The following RPS6KA2 variants were observed in gnomAD, a reference collection of about 807,000 sequenced individuals.
RPS6KA2 encodes the protein ribosomal protein S6 kinase alpha-2.
A neutral mutation model predicts 91.8 loss-of-function variants in RPS6KA2; 42 were observed. The observed-to-expected ratio is 0.46, with a 90% CI of 0.36 to 0.59. RPS6KA2 has a LOEUF of 0.59. RPS6KA2 is among the 20% of genes least tolerant of loss of function. The probability of loss-of-function intolerance (pLI) is 0.00; values close to 1 mark genes in which losing one functional copy is unlikely to be tolerated. For synonymous variants in RPS6KA2, 414 were observed against 393.6 expected, an observed-to-expected ratio of 1.05 and a Z score of -0.61; for missense variants, 798 against 978.5, an observed-to-expected ratio of 0.82 and a Z score of 2.46.
chr6:166,481,914 T>C, intron 10 of RPS6KA2, among the ~76,000 whole-genome samples: 1 of 151,498 alleles, frequency 6.6e-6, no homozygotes. Flanking sequence ...TATACCTCTC[T>C]GATCAATCTT....
chr6:166,611,795 C>T (rs1022575157), intron 1 of RPS6KA2, among the ~76,000 whole-genome samples: 9 of 152,180 alleles, frequency 5.9e-5, no homozygotes, highest in Admixed American at 3.9e-4. Context: ...CAGGACTCCA[C>T]GTTTCCATGT....
chr6:166,422,043 G>C (rs1583110506), intron 17 of RPS6KA2, among the ~76,000 whole-genome samples: 1 of 152,062 alleles, frequency 6.6e-6, no homozygotes, highest in African/African-American at 2.4e-5. Context: ...GGGACTGTGG[G>C]CACACACCAC....
In RPS6KA2 at chr6:166,767,316, G is replaced by T. The variant is rs890343957; in HGVS notation, c.123+90884C>A. Among the ~76,000 whole-genome samples, 3 of 152,178 alleles carry T rather than the reference G, an allele frequency of 2.0e-5. No individual in the cohort carries two copies. The South Asian group carries it at 6.2e-4, about 32-fold the overall frequency. ...GCAAGGCAGAGGCACGGAACGATTT[G>T]ATGAAAAAGACAGAGGAAAACAGAA... On this transcript the variant is annotated intron_variant, in intron 2 of 21. Transcript: ENST00000503859. This position sits in a 1 kb window ranked among gnomAD's most constrained non-coding sequence, Gnocchi z 4.6.
intron 2 of RPS6KA2, among the ~76,000 whole-genome samples, chr6:166,679,478 T>C (rs1009050278): frequency 5.9e-5 from 9 of 151,852 alleles, no homozygotes; most frequent in African/African-American, 1.7e-4. Context: ...ATAATAATAA[T>C]AATAAATAAA....
chr6:166,482,889 C>T (rs758381033), intron 10 of RPS6KA2, among the ~76,000 whole-genome samples: 16 of 152,182 alleles, frequency 1.1e-4, no homozygotes, highest in East Asian at 1.9e-4. Flanking sequence ...TGCTACAGGA[C>T]GCCCTCACCA....
intron 2 of RPS6KA2, among the ~76,000 whole-genome samples, chr6:166,744,774 C>T (rs569358540): frequency 1.3e-3 from 191 of 152,244 alleles, no homozygotes; most frequent in African/African-American, 4.0e-3. Context: ...TCCCTGGCGG[C>T]GGTGGGGTCG....
At chr6:166,694,813 G>C (rs1296263171) in intron 2 of RPS6KA2, among the ~76,000 whole-genome samples, 3 of 152,236 alleles carry the variant, frequency 2.0e-5, no homozygotes, top group African/African-American at 7.2e-5. Flanking sequence ...GAGAGAAAGA[G>C]AGTAATTCAT....
chr6:166,783,813 T>TAC (rs1562437159), intron 2 of RPS6KA2, among the ~76,000 whole-genome samples: 6 of 109,534 alleles, frequency 5.5e-5, no homozygotes, highest in Admixed American at 2.8e-4. Context: ...CACAGTTACC[T>TAC]GTAACCACAT....
At chr6:166,854,647 G>A (rs933455507) in intron 2 of RPS6KA2, among the ~76,000 whole-genome samples, 6 of 152,166 alleles carry the variant, frequency 3.9e-5, no homozygotes, top group African/African-American at 1.4e-4. Flanking sequence ...GGCATGAAAC[G>A]TTTATCAGTT....
chr6:166,485,782 C>T (rs1027434995), intron 10 of RPS6KA2, among the ~76,000 whole-genome samples: 1 of 152,174 alleles, frequency 6.6e-6, no homozygotes, highest in African/African-American at 2.4e-5. Flanking sequence ...TGCAGTGAAA[C>T]GGCAACTTCG....
At chr6:166,668,956 C>A (rs138405569) in intron 2 of RPS6KA2, among the ~76,000 whole-genome samples, 1,769 of 150,920 alleles carry the variant, frequency 0.012, 33 homozygotes, top group African/African-American at 0.041. Flanking sequence ...GATGTGATCA[C>A]CACGGCTCCC....
At chr6:166,491,758 C>A (rs988695850) in intron 8 of RPS6KA2, among the ~76,000 whole-genome samples, 1 of 152,174 alleles carries the variant, frequency 6.6e-6, no homozygotes, top group African/African-American at 2.4e-5. Context: ...AAAAAAATCA[C>A]GCAGAATTCC....
At position 166,448,867 on chromosome 6, in the gene RPS6KA2, G is replaced by C. The variant is rs1258419660; in HGVS notation, c.1207-18C>G. On this transcript the variant is annotated intron_variant, in intron 13 of 20. Coordinates refer to ENST00000265678, the MANE Select transcript of RPS6KA2 (RefSeq NM_021135.6). This position sits in a 1 kb window ranked among gnomAD's most constrained non-coding sequence, Gnocchi z 4.7. The stretch of plus-strand genomic sequence containing the variant: ...TGTAACTGCTGCAGAGGGACCAAGA[G>C]AAGAAGAGTTGTCGGAACCCTCACA... The C allele has an allele frequency of 6.2e-7, 1 of 1,613,260 alleles. No homozygotes were observed. The highest frequency in any genetic ancestry group is 1.1e-5 in the South Asian group (1 of 91,052).
chr6:166,572,584 C>A (rs988820051), intron 1 of RPS6KA2, among the ~76,000 whole-genome samples: 1 of 152,262 alleles, frequency 6.6e-6, no homozygotes, highest in Non-Finnish European at 1.5e-5. Flanking sequence ...GCTTTCCCTG[C>A]CTGTTGCCCT....
At chr6:166,796,073 C>A (rs560481262) in intron 2 of RPS6KA2, among the ~76,000 whole-genome samples, 7 of 152,224 alleles carry the variant, frequency 4.6e-5, no homozygotes, top group Admixed American at 1.3e-4. Context: ...CTTCTCAGAG[C>A]TTTTCTTATC....
chr6:166,455,083 C>G (rs1780053060), intron 12 of RPS6KA2, among the ~76,000 whole-genome samples: 1 of 152,070 alleles, frequency 6.6e-6, no homozygotes, highest in Non-Finnish European at 1.5e-5. Context: ...TTCGAGAATT[C>G]TCTACCCGCA....
chr6:166,680,549 A>G (rs980141243), intron 2 of RPS6KA2, among the ~76,000 whole-genome samples: 10 of 152,040 alleles, frequency 6.6e-5, no homozygotes, highest in South Asian at 2.1e-4. Flanking sequence ...TAACATCTCC[A>G]CGAAGGTTTG....
upstream of RPS6KA2, among the ~76,000 whole-genome samples, chr6:166,630,490 G>C (rs1285757316): frequency 6.6e-6 from 1 of 152,254 alleles, no homozygotes; most frequent in Admixed American, 6.5e-5. Context: ...GTTTTGCCAT[G>C]GGAGGTGAAT....
Position 166,855,450 on chromosome 6 carries a change from G to A in RPS6KA2, c.123+2750C>T, listed in dbSNP as rs9348197. 2.9e-3 allele frequency among the ~76,000 whole-genome samples: 174 copies of A among 60,368 alleles called. 3 individuals carry two copies. Among genetic ancestry groups the A allele is most frequent in the East Asian group, 7.3e-3 (11 of 1,498 alleles). The allele number at this position is 60,368 out of a possible 152,430, so 39.6% of individuals were successfully genotyped here. A position where few individuals can be genotyped will look rare whatever the true frequency, so the allele number is the denominator to read the frequency against. Reference sequence around the variant, plus strand: ...AAGAGGAAGAAGAGGAAGAAGAAGAGGAAGAAGAAGAGGAAGAGGAAGAGG... The same window carrying A: ...AAGAGGAAGAAGAGGAAGAAGAAGAAGAAGAAGAAGAGGAAGAGGAAGAGG... On this transcript the variant is annotated intron_variant, in intron 2 of 21. Transcript: ENST00000503859.
Sources: gnomAD v4.1 joint callset for allele counts (sites outside exome capture counted in the v4.1 genomes callset) on GRCh38, gnomAD v4.1.1 for gene constraint, Gnocchi (gnomAD v3.1) non-coding constraint, MANE v1.5 for transcripts, NCBI Gene and HGNC (gene_info 2026-07-23, HGNC 2026-07-21) for gene names.